ESR2: variants seen among roughly 807,000 people sequenced by gnomAD.
The protein encoded by ESR2 is estrogen receptor 2.
Under a neutral mutation model 49.6 loss-of-function variants are expected in ESR2, and 36 were observed. That is an observed-to-expected ratio of 0.73 (90% CI 0.56 to 0.96). The LOEUF (loss-of-function observed/expected upper bound fraction) is 0.96. ESR2 is among the 40% of genes least tolerant of loss of function. The pLI is 0.00. For synonymous variants in ESR2, 320 were observed against 266.1 expected (o/e 1.20, Z -1.97); for missense variants, 714 against 693.0 (o/e 1.03, Z -0.34).
intron 6 of ESR2, among the ~76,000 whole-genome samples, chr14:64,251,412 T>TACACAC (rs111881046): frequency 0.012 from 1,845 of 149,396 alleles, 39 homozygotes; most frequent in African/African-American, 0.043. Flanking sequence ...GCACAATACA[T>TACACAC]ACACACACAC....
intron 1 of ESR2, among the ~76,000 whole-genome samples, chr14:64,335,573 T>A (rs1445062002): frequency 6.6e-6 from 1 of 152,174 alleles, no homozygotes; most frequent in Non-Finnish European, 1.5e-5. Context: ...GGGGGCCCCA[T>A]CTGCGTGACC....
intron 1 of ESR2, among the ~76,000 whole-genome samples, chr14:64,288,231 T>C (rs2076812572): frequency 1.3e-5 from 2 of 152,092 alleles, no homozygotes; most frequent in South Asian, 4.1e-4. Context: ...AAACATACTA[T>C]GGCTTTTGAA....
chr14:64,302,945 C>T (rs1245976377), intron 1 of ESR2, among the ~76,000 whole-genome samples: 3 of 152,166 alleles, frequency 2.0e-5, no homozygotes, highest in African/African-American at 7.2e-5. Flanking sequence ...ACCACAGGCA[C>T]CTGCCACCAC....
intron 5 of ESR2, chr14:64,260,126 T>C (rs757895700): frequency 1.8e-6 from 1 of 552,518 alleles, no homozygotes; most frequent in Non-Finnish European, 3.5e-6. Flanking sequence ...TGCAAGGTGG[T>C]ATGGGATGCA....
In ESR2 at chr14:64,276,902, A is replaced by G. The variant is rs548953710; in HGVS notation, c.535+3079T>C. ...ATTCAAGGAATTGGTAAGTGCCACT[A>G]GTGAACAAAATGGACAAAAATCCTT... On this transcript the variant is annotated intron_variant, in intron 3 of 8. Coordinates refer to ENST00000341099, the MANE Select transcript of ESR2 (RefSeq NM_001437.3). Among the ~76,000 whole-genome samples, 5 of 152,378 alleles carry G rather than the reference A, an allele frequency of 3.3e-5. No homozygotes were observed. The East Asian group carries it at 7.7e-4, about 23-fold the overall frequency.
chr14:64,282,830 A>G lies in ESR2; in HGVS notation c.156T>C (p.Ala52=). 3.1e-6 allele frequency: 5 copies of G among 1,614,256 alleles called. No individual in the cohort carries two copies. The highest frequency in any genetic ancestry group is 4.2e-6 in the Non-Finnish European group (5 of 1,180,026). ...EYPAMTFYSP[A]VMNYSIPSNV... is the part of the protein sequence containing the mutation. ...TGCTGGGAATGCTGTAATTCATCACAGCAGGGCTATAGAATGTCATGGCTG... is the reference window on the plus strand; with the variant it reads ...TGCTGGGAATGCTGTAATTCATCACGGCAGGGCTATAGAATGTCATGGCTG... Residue 52 remains alanine, a synonymous_variant, in exon 2 of 9, where the codon GCT becomes GCC. Transcript: ENST00000341099.
At chr14:64,296,575 G>A (rs755625373), upstream of ESR2, among the ~76,000 whole-genome samples, 19 of 152,188 alleles carry the variant, frequency 1.2e-4, no homozygotes, top group Non-Finnish European at 2.6e-4. Context: ...GAGAGGCCAA[G>A]GACCCATTTA....
intron 1 of ESR2, among the ~76,000 whole-genome samples, chr14:64,319,842 A>G (rs897553989): frequency 1.3e-5 from 2 of 152,218 alleles, no homozygotes; most frequent in African/African-American, 4.8e-5. Flanking sequence ...GAAATGCAAA[A>G]TGGAACAGCC....
At chr14:64,296,123 G>A (rs180677771), upstream of ESR2, among the ~76,000 whole-genome samples, 34 of 151,244 alleles carry the variant, frequency 2.2e-4, 1 homozygote, top group South Asian at 4.8e-3. Flanking sequence ...AATGGAAACC[G>A]TCATGAAGGA....
At chr14:64,299,874 C>G (rs12436325) in intron 1 of ESR2, among the ~76,000 whole-genome samples, 2,417 of 152,294 alleles carry the variant, frequency 0.016, 67 homozygotes, top group East Asian at 0.086. Flanking sequence ...CAATGCTGTT[C>G]CATGGGCCAG....
chr14:64,285,338 T>A (rs1001391029), intron 1 of ESR2, among the ~76,000 whole-genome samples: 4 of 152,202 alleles, frequency 2.6e-5, no homozygotes, highest in Non-Finnish European at 5.9e-5. Flanking sequence ...CCTCAACCCA[T>A]CATTCCACAC....
At chr14:64,254,695 T>C (rs892921921) in intron 6 of ESR2, among the ~76,000 whole-genome samples, 1 of 151,988 alleles carries the variant, frequency 6.6e-6, no homozygotes, top group African/African-American at 2.4e-5. Context: ...GAGGCGGAGA[T>C]TGCAGTGAGC....
At chr14:64,332,510 G>A (rs1268553161) in intron 1 of ESR2, among the ~76,000 whole-genome samples, 2 of 152,036 alleles carry the variant, frequency 1.3e-5, no homozygotes, top group African/African-American at 2.4e-5. Context: ...CTATCAAAAA[G>A]GGTACTGTAA....
chr14:64,243,341 G>C (rs976378964), intron 7 of ESR2, among the ~76,000 whole-genome samples: 1 of 152,198 alleles, frequency 6.6e-6, no homozygotes, highest in Admixed American at 6.5e-5. Context: ...CACTGTAATA[G>C]ATATAATGAA....
chr14:64,248,875 A>G (rs1375432286), intron 7 of ESR2, among the ~76,000 whole-genome samples: 4 of 151,636 alleles, frequency 2.6e-5, no homozygotes, highest in Non-Finnish European at 4.4e-5. Flanking sequence ...TCTATATCGC[A>G]TATCTGTGCA....
At position 64,229,606 on chromosome 14, in the gene ESR2, T is replaced by A. The variant is rs1473141920; in HGVS notation, c.*3531A>T. Among the ~76,000 whole-genome samples the A allele has an allele frequency of 6.6e-6, 1 of 152,192 alleles. No individual in the cohort carries two copies. Among genetic ancestry groups the A allele is most frequent in the African/African-American group, 2.4e-5 (1 of 41,454 alleles). On this transcript the variant is annotated 3_prime_UTR_variant, in exon 9 of 9. Transcript: ENST00000341099. ...AGATTCTGCAGTTTTAAAATATTTTTCTTTAAATTTTTAAACTGTTTGAAG... is the reference window on the plus strand; with the variant it reads ...AGATTCTGCAGTTTTAAAATATTTTACTTTAAATTTTTAAACTGTTTGAAG...
At chr14:64,240,861 C>T (rs1365417175) in intron 7 of ESR2, among the ~76,000 whole-genome samples, 2 of 152,118 alleles carry the variant, frequency 1.3e-5, no homozygotes, top group Admixed American at 6.6e-5. Flanking sequence ...ATAGGCTAGG[C>T]TGGCCGGGCG....
intron 3 of ESR2, among the ~76,000 whole-genome samples, chr14:64,277,911 A>G (rs2076588519): frequency 6.6e-6 from 1 of 152,140 alleles, no homozygotes; most frequent in African/African-American, 2.4e-5. Flanking sequence ...TTTACTTTCA[A>G]TTGTTATTAG....
intron 2 of ESR2, 144 bp downstream of exon 2, chr14:64,282,480 C>A (rs1342264582): frequency 5.1e-6 from 4 of 791,620 alleles, no homozygotes; most frequent in Non-Finnish European, 5.9e-6. Context: ...TAGAACAGGG[C>A]ATCCTGTGTT....
Sources: allele counts gnomAD v4.1 joint callset (sites outside exome capture counted in the v4.1 genomes callset), GRCh38; gene constraint gnomAD v4.1.1; transcripts MANE v1.5; gene names NCBI Gene and HGNC (gene_info 2026-07-23, HGNC 2026-07-21).